APAF1: variants seen among roughly 807,000 people sequenced by gnomAD.
The protein encoded by APAF1 is apoptotic peptidase activating factor 1.
Under a neutral mutation model 152.4 loss-of-function variants are expected in APAF1, and 91 were observed. That is an observed-to-expected ratio of 0.60 (90% CI 0.50 to 0.71). APAF1 has a LOEUF of 0.71. APAF1 is among the 30% of genes least tolerant of loss of function. The probability of loss-of-function intolerance (pLI) is 0.00; values close to 1 mark genes in which losing one functional copy is unlikely to be tolerated. For missense variants in APAF1, 1,283 were observed against 1,472.0 expected (o/e 0.87, Z 2.10); for synonymous variants, 484 against 494.1 (o/e 0.98, Z 0.27).
intron 4 of APAF1, among the ~76,000 whole-genome samples, chr12:98,657,820 A>G (rs2097659728): frequency 6.6e-6 from 1 of 152,172 alleles, no homozygotes; most frequent in African/African-American, 2.4e-5. Context: ...CAGTTTCCTC[A>G]TTTTCAAAAT....
intron 20 of APAF1, among the ~76,000 whole-genome samples, 156 bp from the exon 21 acceptor site, chr12:98,712,163 A>C (rs1271879653): frequency 1.3e-5 from 2 of 152,226 alleles, no homozygotes. Flanking sequence ...TGCTAAATGC[A>C]GCTGCTAAGA....
Position 98,666,368 on chromosome 12 carries a change from C to T in APAF1, c.1362+11C>T. 1 of 1,604,132 alleles carries T rather than the reference C, an allele frequency of 6.2e-7. No homozygotes were observed. Among genetic ancestry groups the T allele is most frequent in the Non-Finnish European group, 8.5e-7 (1 of 1,176,848 alleles). On this transcript the variant is annotated intron_variant, in intron 9 of 26. Transcript: ENST00000551964. ...TGCAGCCAGCTTCAGGTACTTGCATCTTGGTTTACTTTTTTTTTTCCTTTT... is the reference window on the plus strand; with the variant it reads ...TGCAGCCAGCTTCAGGTACTTGCATTTTGGTTTACTTTTTTTTTTCCTTTT...
At position 98,693,808 on chromosome 12, in the gene APAF1, TC is replaced by T. The variant is rs1267368146; in HGVS notation, c.2305-5599del. Among the ~76,000 whole-genome samples the T allele has an allele frequency of 1.2e-4, 18 of 148,496 alleles. No homozygotes were observed. The East Asian group carries it at 2.8e-3, about 23-fold the overall frequency. ...TGTTTTTCAGTTTTTTTTTTTTTTT[TC>T]GTCTTCTTTCTTGGCTTACTTTTTC... On this transcript the variant is annotated intron_variant, in intron 16 of 26. Coordinates refer to ENST00000551964, the MANE Select transcript of APAF1 (RefSeq NM_181861.2).
intron 16 of APAF1, among the ~76,000 whole-genome samples, chr12:98,696,726 G>A (rs528246234): frequency 6.6e-6 from 1 of 152,206 alleles, no homozygotes; most frequent in Admixed American, 6.5e-5. Flanking sequence ...GAACTCCTGG[G>A]CTCAAGTGGT....
chr12:98,685,051 AG>A (rs1194859004), intron 15 of APAF1, among the ~76,000 whole-genome samples: 1 of 152,252 alleles, frequency 6.6e-6, no homozygotes, highest in African/African-American at 2.4e-5. Flanking sequence ...ACTGGGATAA[AG>A]GAGTCAAAGA....
intron 12 of APAF1, among the ~76,000 whole-genome samples, chr12:98,675,245 A>T (rs2097685247): frequency 6.6e-6 from 1 of 152,168 alleles, no homozygotes; most frequent in Non-Finnish European, 1.5e-5. Flanking sequence ...GAAATTATTT[A>T]TTCACTCATT....
At chr12:98,728,474 C>T (rs948331809) in intron 26 of APAF1, among the ~76,000 whole-genome samples, 1 of 152,122 alleles carries the variant, frequency 6.6e-6, no homozygotes, top group Non-Finnish European at 1.5e-5. Flanking sequence ...AATCCCAGCA[C>T]TTTGGGAGGC....
intron 7 of APAF1, among the ~76,000 whole-genome samples, chr12:98,663,425 G>A (rs1370427999): frequency 6.6e-6 from 1 of 152,020 alleles, no homozygotes; most frequent in East Asian, 1.9e-4. Flanking sequence ...TGTTGCCCAG[G>A]CTGGTCTTGA....
chr12:98,681,526 A>T (rs754309023), intron 14 of APAF1, among the ~76,000 whole-genome samples: 27 of 152,168 alleles, frequency 1.8e-4, no homozygotes, highest in Non-Finnish European at 1.0e-4. Context: ...AAAGGGGTTA[A>T]ATCTGGAGTA....
intron 12 of APAF1, among the ~76,000 whole-genome samples, chr12:98,673,770 C>T (rs905383795): frequency 6.6e-6 from 1 of 152,146 alleles, no homozygotes; most frequent in African/African-American, 2.4e-5. Context: ...TGAGGTCTTT[C>T]CCCTAAGGAG....
chr12:98,717,596 G>C lies in APAF1; in HGVS notation c.3084+2044G>C, dbSNP rs2097736386. ...TCTTCATGTTGGTCAGGCTGGTCTT[G>C]AACTCTGGACCTCAGGTGATCCACC... On this transcript the variant is annotated intron_variant, in intron 22 of 26. Coordinates refer to ENST00000551964, the MANE Select transcript of APAF1 (RefSeq NM_181861.2). Among the ~76,000 whole-genome samples the C allele has an allele frequency of 2.0e-5, 3 of 151,736 alleles. No homozygotes were observed. The South Asian group carries it at 6.3e-4, about 32-fold the overall frequency.
rs140836008 is a variant in APAF1 at position 98,712,338 on chromosome 12, G to T, written c.2861G>T (p.Gly954Val). 6.0e-5 allele frequency: 97 copies of T among 1,610,894 alleles called. No homozygotes were observed. The highest frequency in any genetic ancestry group is 7.8e-5 in the Non-Finnish European group (92 of 1,177,394). Reference sequence around the variant, plus strand: ...CATTAGCTCATTAATGGAAGAACAGGTCAGATTGATTATCTGACTGAAGCT... The same window carrying T: ...CATTAGCTCATTAATGGAAGAACAGTTCAGATTGATTATCTGACTGAAGCT... Reference protein sequence around the residue: ...RRLQLINGRTGQIDYLTEAQV... With the variant: ...RRLQLINGRTVQIDYLTEAQV... Residue 954 changes from glycine to valine, a missense_variant, in exon 21 of 27, where the codon GGT (glycine) becomes GTT (valine). By Grantham distance (109) the Gly-to-Val change is moderately radical. Coordinates refer to ENST00000551964, the MANE Select transcript of APAF1 (RefSeq NM_181861.2).
Position 98,725,484 on chromosome 12 carries a change from G to A in APAF1, c.3400G>A (p.Ala1134Thr). The A allele has an allele frequency of 6.2e-7, 1 of 1,614,130 alleles. No individual in the cohort carries two copies. Among genetic ancestry groups the A allele is most frequent in the South Asian group, 1.1e-5 (1 of 91,070 alleles). The change falls in exon 25 of 27, where the codon GCC (alanine) becomes ACC (threonine). Residue 1134 changes from alanine (A) to threonine (T), a missense_variant. Coordinates refer to ENST00000551964, the MANE Select transcript of APAF1 (RefSeq NM_181861.2). Reference sequence around the variant, plus strand: ...CCACAACGGCTGTGTGCGCTGCTCTGCCTTCTCTGTGGACAGTACCCTGCT... The same window carrying A: ...CCACAACGGCTGTGTGCGCTGCTCTACCTTCTCTGTGGACAGTACCCTGCT... ...RGHNGCVRCS[A>T]FSVDSTLLAT...
intron 4 of APAF1, among the ~76,000 whole-genome samples, chr12:98,653,526 G>A (rs1189883861): frequency 4.0e-5 from 6 of 149,886 alleles, no homozygotes; most frequent in African/African-American, 1.5e-4. Flanking sequence ...GCGTGGTGGC[G>A]CATGCCTGTA....
chr12:98,652,727 A>G (rs2153307267), intron 4 of APAF1, among the ~76,000 whole-genome samples: 1 of 151,996 alleles, frequency 6.6e-6, no homozygotes, highest in South Asian at 2.1e-4. Flanking sequence ...CCCAGGTTCA[A>G]GCGATTGTCC....
rs201917086 is a variant in APAF1 at position 98,732,467 on chromosome 12, T to A, written c.3648T>A (p.Asn1216Lys). The change falls in exon 27 of 27, where the codon AAT (asparagine) becomes AAA (lysine). Residue 1216 changes from asparagine (N) to lysine (K), a missense_variant. Asn to Lys is a moderately conservative substitution (Grantham distance 94). Coordinates refer to ENST00000551964, the MANE Select transcript of APAF1 (RefSeq NM_181861.2). ...TGESSQTFYT[N>K]GTNLKKIHVS... ...AATCCTCACAGACCTTCTACACAAA[T>A]GGAACCAATCTTAAGAAAATACACG... The A allele has an allele frequency of 8.7e-6, 14 of 1,611,258 alleles. No homozygotes were observed. In the Admixed American group the frequency reaches 2.2e-4, roughly 25 times the overall value.
chr12:98,700,001 T>C (rs1321748813), intron 17 of APAF1, among the ~76,000 whole-genome samples: 1 of 152,220 alleles, frequency 6.6e-6, no homozygotes, highest in Non-Finnish European at 1.5e-5. Flanking sequence ...TACAATTTTA[T>C]GATTTGATGA....
intron 21 of APAF1, among the ~76,000 whole-genome samples, chr12:98,714,687 C>T (rs2097731909): frequency 1.3e-5 from 2 of 152,276 alleles, no homozygotes; most frequent in African/African-American, 2.4e-5. Flanking sequence ...GCTTTTCTTC[C>T]AGACGTGGGT....
intron 18 of APAF1, among the ~76,000 whole-genome samples, chr12:98,705,162 C>G (rs1475196867): frequency 1.3e-5 from 2 of 152,048 alleles, no homozygotes; most frequent in Non-Finnish European, 2.9e-5. Context: ...TAAGTAGCAA[C>G]CCCTCTTTCA....
Sources: gnomAD v4.1 joint callset for allele counts (sites outside exome capture counted in the v4.1 genomes callset) on GRCh38, gnomAD v4.1.1 for gene constraint, MANE v1.5 for transcripts, NCBI Gene and HGNC (gene_info 2026-07-23, HGNC 2026-07-21) for gene names.